The following DCDC1 variants were observed in gnomAD, a reference collection of about 807,000 sequenced individuals.
DCDC1 encodes the protein doublecortin domain-containing protein 1.
Under a neutral mutation model 178.3 loss-of-function variants are expected in DCDC1, and 200 were observed. That is an observed-to-expected ratio of 1.12 (90% CI 1.00 to 1.26). The LOEUF (loss-of-function observed/expected upper bound fraction) is 1.26, where lower values mean the gene tolerates loss of function less well. Among genes scored for constraint, DCDC1 ranks in the 50% most tolerant of loss-of-function variants. The probability of loss-of-function intolerance (pLI) is 0.00; values close to 1 mark genes in which losing one functional copy is unlikely to be tolerated. For synonymous variants in DCDC1, 690 were observed against 604.8 expected, an observed-to-expected ratio of 1.14 and a Z score of -2.07; for missense variants, 1,983 against 1,749.2, an observed-to-expected ratio of 1.13 and a Z score of -2.38.
At chr11:31,103,606 T>C (rs1268306651) in intron 14 of DCDC1, 38 bp downstream of exon 14, 1 of 743,186 alleles carries the variant, frequency 1.3e-6, no homozygotes, top group African/African-American at 1.7e-5. Flanking sequence ...TTTGGATTAC[T>C]TTAACCACAT....
chr11:31,218,568 A>T (rs1016452709), intron 9 of DCDC1, among the ~76,000 whole-genome samples: 3 of 152,146 alleles, frequency 2.0e-5, no homozygotes, highest in Non-Finnish European at 4.4e-5. Flanking sequence ...GTCCAATGAC[A>T]TTTGCAGAGA....
At chr11:31,252,561 A>C (rs1944114658) in intron 8 of DCDC1, among the ~76,000 whole-genome samples, 1 of 152,090 alleles carries the variant, frequency 6.6e-6, no homozygotes, top group Non-Finnish European at 1.5e-5. Context: ...TGTTTTACTC[A>C]TCATTGATTG....
intron 1 of DCDC1, among the ~76,000 whole-genome samples, chr11:31,345,178 G>A (rs529127478): frequency 2.6e-5 from 4 of 152,094 alleles, no homozygotes; most frequent in Non-Finnish European, 4.4e-5. Context: ...TATAGTATGT[G>A]GTTATTGCAG....
At chr11:31,236,133 AT>A (rs1297403840) in intron 9 of DCDC1, among the ~76,000 whole-genome samples, 1 of 151,966 alleles carries the variant, frequency 6.6e-6, no homozygotes, top group African/African-American at 2.4e-5. Flanking sequence ...ATGAAGATAA[AT>A]ATGTCATGGA....
intron 9 of DCDC1, among the ~76,000 whole-genome samples, chr11:31,235,960 G>T (rs1460981377): frequency 6.6e-6 from 1 of 151,848 alleles, no homozygotes; most frequent in African/African-American, 2.4e-5. Context: ...TTTCCAAAGT[G>T]AATTATTTAA....
chr11:30,865,896 T>C (rs1940938903), intron 38 of DCDC1, among the ~76,000 whole-genome samples: 1 of 152,180 alleles, frequency 6.6e-6, no homozygotes, highest in African/African-American at 2.4e-5. Context: ...AGAAGGCTTG[T>C]GTGGGTGAGG....
rs534637313 is a variant in DCDC1 at position 31,303,697 on chromosome 11, T to C, written c.754+1918A>G. 2.6e-5 allele frequency among the ~76,000 whole-genome samples: 4 copies of C among 152,268 alleles called. No homozygotes were observed. The East Asian group carries it at 7.7e-4, about 29-fold the overall frequency. On this transcript the variant is annotated intron_variant, in intron 6 of 38. Coordinates refer to ENST00000684477, the MANE Select transcript of DCDC1 (RefSeq NM_001387274.1). ...AACCAAATATCATTGTTTAAGCTTATCTATAAGCTCAACTTAGATGAATGG... is the reference window on the plus strand; with the variant it reads ...AACCAAATATCATTGTTTAAGCTTACCTATAAGCTCAACTTAGATGAATGG...
At chr11:31,092,072 T>C (rs191181692) in intron 16 of DCDC1, among the ~76,000 whole-genome samples, 3 of 152,328 alleles carry the variant, frequency 2.0e-5, no homozygotes, top group Admixed American at 6.5e-5. Context: ...TCTTACTTAG[T>C]GAGTCAACAC....
At chr11:31,229,549 A>G (rs1186085472) in intron 9 of DCDC1, among the ~76,000 whole-genome samples, 1 of 152,176 alleles carries the variant, frequency 6.6e-6, no homozygotes, top group East Asian at 1.9e-4. Flanking sequence ...AGTATTTGAA[A>G]AAATATGTTA....
intron 9 of DCDC1, among the ~76,000 whole-genome samples, chr11:31,214,548 T>C (rs1973294650): frequency 6.6e-6 from 1 of 152,120 alleles, no homozygotes; most frequent in Non-Finnish European, 1.5e-5. Flanking sequence ...GACCACGCCC[T>C]CAATGAGCAT....
chr11:31,039,267 C>T (rs576463155), intron 20 of DCDC1, among the ~76,000 whole-genome samples: 2 of 151,832 alleles, frequency 1.3e-5, no homozygotes, highest in South Asian at 4.2e-4. Flanking sequence ...GAAAAACAGT[C>T]AAAGGAAAAT....
chr11:31,344,334 C>A (rs1482765546), intron 1 of DCDC1, among the ~76,000 whole-genome samples: 1 of 152,184 alleles, frequency 6.6e-6, no homozygotes, highest in African/African-American at 2.4e-5. Context: ...TCTTCCTTTA[C>A]TTCCTATTTC....
At chr11:31,112,874 T>G (rs974192489) in intron 11 of DCDC1, among the ~76,000 whole-genome samples, 1 of 152,194 alleles carries the variant, frequency 6.6e-6, no homozygotes, top group Non-Finnish European at 1.5e-5. Flanking sequence ...GCCTACTACG[T>G]GCCAAGCACT....
At chr11:31,161,442 T>C (rs1966306617) in intron 9 of DCDC1, among the ~76,000 whole-genome samples, 1 of 152,196 alleles carries the variant, frequency 6.6e-6, no homozygotes, top group Non-Finnish European at 1.5e-5. Context: ...GCTGATTCTG[T>C]GTGACCTTTT....
intron 20 of DCDC1, among the ~76,000 whole-genome samples, chr11:31,006,739 T>C (rs1042427035): frequency 6.6e-6 from 1 of 152,212 alleles, no homozygotes. Flanking sequence ...AATGCAATTA[T>C]ACAACTCCAG....
At chr11:31,064,327 T>C (rs976021507) in intron 20 of DCDC1, 142 bp downstream of exon 20, 1 of 590,568 alleles carries the variant, frequency 1.7e-6, no homozygotes, top group Non-Finnish European at 3.0e-6. Context: ...CTTCATCAAA[T>C]GTGACCCAAA....
intron 12 of DCDC1, among the ~76,000 whole-genome samples, chr11:31,107,819 C>A: frequency 6.6e-6 from 1 of 152,168 alleles, no homozygotes; most frequent in East Asian, 1.9e-4. Context: ...CTTCCCCCAG[C>A]CTTCTGTCAC....
intron 20 of DCDC1, among the ~76,000 whole-genome samples, chr11:31,007,909 T>C (rs1410608464): frequency 6.6e-6 from 1 of 152,102 alleles, no homozygotes; most frequent in Non-Finnish European, 1.5e-5. Context: ...GTGATCTGCC[T>C]GCCTCAGCCT....
At chr11:31,072,928 A>G (rs923009867) in intron 18 of DCDC1, among the ~76,000 whole-genome samples, 2 of 152,172 alleles carry the variant, frequency 1.3e-5, no homozygotes, top group East Asian at 1.9e-4. Flanking sequence ...CACACAGCTA[A>G]TAAGTGTTGG....
Sources: allele counts gnomAD v4.1 joint callset (sites outside exome capture counted in the v4.1 genomes callset), GRCh38; gene constraint gnomAD v4.1.1; transcripts MANE v1.5; gene names NCBI Gene and HGNC (gene_info 2026-07-23, HGNC 2026-07-21).